NCR1: variants seen among roughly 807,000 people sequenced by gnomAD.
The protein encoded by NCR1 is NK cell-activating receptor.
NCR1 carries 30 observed loss-of-function variants against 32.5 expected under a neutral mutation model. That is an observed-to-expected ratio of 0.92 (90% CI 0.69 to 1.25). The LOEUF (loss-of-function observed/expected upper bound fraction) is 1.25. Among genes scored for constraint, NCR1 ranks in the 50% most tolerant of loss-of-function variants. NCR1 has a pLI of 0.00. For missense variants in NCR1, 369 were observed against 380.7 expected (o/e 0.97, Z 0.26); for synonymous variants, 169 against 143.4 (o/e 1.18, Z -1.28).
chr19:54,903,509 C>T (rs587753369), upstream of NCR1, among the ~76,000 whole-genome samples: 64 of 123,374 alleles, frequency 5.2e-4, 2 homozygotes, highest in African/African-American at 1.6e-3. Context: ...TATGTATACA[C>T]GCATACATGT....
the NCR1 span, chr19:54,923,687 T>G: frequency 6.2e-7 from 1 of 1,606,164 alleles, no homozygotes; most frequent in Non-Finnish European, 8.5e-7. Flanking sequence ...ATAAGACATC[T>G]TAGAGACCCG....
chr19:54,934,107 AT>A, the NCR1 span, among the ~76,000 whole-genome samples: 1 of 152,060 alleles, frequency 6.6e-6, no homozygotes, highest in African/African-American at 2.4e-5. This position sits in a 1 kb window ranked among gnomAD's most constrained non-coding sequence, Gnocchi z 6.7. Context: ...CACCTGGATA[AT>A]TTTTTGTATT....
Position 54,906,728 on chromosome 19 carries a change from G to C in NCR1, c.276G>C (p.Met92Ile), listed in dbSNP as rs761492085. The C allele has an allele frequency of 2.5e-6, 4 of 1,614,242 alleles. No homozygotes were observed. The Admixed American group carries it at 6.7e-5, about 27-fold the overall frequency. ...ACATCCCGGACATGAACTCCCGCAT[G>C]GCAGGGCAATACAGCTGCATCTATC... ...QFYIPDMNSRMAGQYSCIYRV... is the reference protein window; with the variant it reads ...QFYIPDMNSRIAGQYSCIYRV... The change falls in exon 3 of 7, where the codon ATG becomes ATC. Residue 92 changes from methionine (M) to isoleucine (I), a missense_variant. Coordinates refer to ENST00000291890, the MANE Select transcript of NCR1 (RefSeq NM_004829.7).
At chr19:54,916,866 G>GTCCCT (rs879821805), downstream of NCR1, among the ~76,000 whole-genome samples, 261 of 151,340 alleles carry the variant, frequency 1.7e-3, no homozygotes, top group Non-Finnish European at 2.4e-3. Flanking sequence ...CGCCCAGCCA[G>GTCCCT]AAGACCCACG....
At position 54,909,654 on chromosome 19, in the gene NCR1, G is replaced by T. The variant is rs587738483; in HGVS notation, c.634+131G>T. 5 of 1,114,230 alleles carry T rather than the reference G, an allele frequency of 4.5e-6. No individual in the cohort carries two copies. The South Asian group carries it at 6.4e-5, about 14-fold the overall frequency. 69.0% of individuals were successfully genotyped at this position (1,114,230 alleles called of 1,614,324 possible). On this transcript the variant is annotated intron_variant, in intron 4 of 6. Coordinates refer to ENST00000291890, the MANE Select transcript of NCR1 (RefSeq NM_004829.7). ...CCTGGGTGCCTGGTTGGTCATGTGAGGAAGAACACCAGAAGCAGGAAGGAG... is the reference window on the plus strand; with the variant it reads ...CCTGGGTGCCTGGTTGGTCATGTGATGAAGAACACCAGAAGCAGGAAGGAG...
At chr19:54,928,645 G>A in the NCR1 span, among the ~76,000 whole-genome samples, 2 of 152,102 alleles carry the variant, frequency 1.3e-5, no homozygotes, top group African/African-American at 4.8e-5. Flanking sequence ...GTGATATGAG[G>A]AAAGAAACTG....
intron 6 of NCR1, among the ~76,000 whole-genome samples, chr19:54,912,481 C>CCCAG (rs2068021710): frequency 6.6e-6 from 1 of 151,648 alleles, no homozygotes. Context: ...TGCCTGTAGT[C>CCCAG]CCAGCTACTT....
chr19:54,936,246 G>A, the NCR1 span: 1 of 1,610,742 alleles, frequency 6.2e-7, no homozygotes, highest in Non-Finnish European at 8.5e-7. Context: ...GGAGAGCCGT[G>A]ACCGTGAGAC....
upstream of NCR1, among the ~76,000 whole-genome samples, chr19:54,901,345 A>G (rs933080733): frequency 4.2e-5 from 5 of 119,374 alleles, no homozygotes; most frequent in African/African-American, 1.7e-4. Flanking sequence ...TGGGTGACAG[A>G]GCGAGAGTCC....
Position 54,912,762 on chromosome 19 carries a change from TA to T in NCR1, c.807del (p.Val270CysfsTer30). On this transcript the variant is annotated frameshift_variant, in exon 7 of 7. Transcript: ENST00000291890. LOFTEE classifies it low-confidence loss of function (END_TRUNC). ...MGLAFLVLVA[L>X]VWFLVEDWLS... The stretch of plus-strand genomic sequence containing the variant: ...CTGGCCTTTCTAGTCCTGGTGGCTC[TA>T]GTGTGGTTCCTGGTTGAAGACTGGC... The T allele has an allele frequency of 6.2e-7, 1 of 1,614,100 alleles. No individual in the cohort carries two copies. Among genetic ancestry groups the T allele is most frequent in the Non-Finnish European group, 8.5e-7 (1 of 1,180,032 alleles).
At chr19:54,926,672 T>C in the NCR1 span, among the ~76,000 whole-genome samples, 2 of 152,100 alleles carry the variant, frequency 1.3e-5, no homozygotes, top group South Asian at 2.1e-4. Flanking sequence ...TCCCAGCACT[T>C]TGGGAGGCCA....
upstream of NCR1, among the ~76,000 whole-genome samples, chr19:54,901,828 C>T (rs1286832535): frequency 1.3e-5 from 2 of 152,030 alleles, no homozygotes; most frequent in African/African-American, 2.4e-5. Flanking sequence ...ATTAGCTGGG[C>T]GTGGTTGTGG....
At chr19:54,921,652 G>GTCTCAGC in the NCR1 span, among the ~76,000 whole-genome samples, 1 of 151,514 alleles carries the variant, frequency 6.6e-6, no homozygotes, top group South Asian at 2.1e-4. Flanking sequence ...CACACCTCTA[G>GTCTCAGC]TCTCAGCTAC....
chr19:54,930,106 G>A, the NCR1 span, among the ~76,000 whole-genome samples: 312 of 123,614 alleles, frequency 2.5e-3, 1 homozygote, highest in African/African-American at 9.5e-3. Flanking sequence ...CTAGAACGAG[G>A]CTCCGTCTCA....
chr19:54,901,215 G>C (rs587640175), upstream of NCR1, among the ~76,000 whole-genome samples: 33 of 149,970 alleles, frequency 2.2e-4, no homozygotes, highest in South Asian at 7.0e-3. Context: ...GCATAAACTC[G>C]GGAGGCAGAG....
upstream of NCR1, among the ~76,000 whole-genome samples, chr19:54,904,898 C>T (rs2067481288): frequency 3.3e-5 from 5 of 152,154 alleles, no homozygotes; most frequent in Admixed American, 3.3e-4. Context: ...ATCCATGTTG[C>T]TGCAAAGGAC....
upstream of NCR1, among the ~76,000 whole-genome samples, chr19:54,904,884 C>T (rs1332609964): frequency 3.3e-5 from 5 of 152,178 alleles, no homozygotes; most frequent in African/African-American, 1.2e-4. Flanking sequence ...TGGCCTCTAG[C>T]TGCATCCATG....
chr19:54,923,289 TTGATCACATAAGTTA>T, the NCR1 span, among the ~76,000 whole-genome samples: 2 of 152,174 alleles, frequency 1.3e-5, no homozygotes, highest in African/African-American at 4.8e-5. Flanking sequence ...AATGCGTGGG[TTGATCACATAAGTTA>T]TGATCACATA....
At chr19:54,910,152 C>A in intron 5 of NCR1, 87 bp downstream of exon 5, 1 of 1,338,750 alleles carries the variant, frequency 7.5e-7, no homozygotes, top group Non-Finnish European at 1.1e-6. Context: ...AAATATTCAT[C>A]GAGGCCAGGC....
Sources: gnomAD v4.1 joint callset for allele counts (sites outside exome capture counted in the v4.1 genomes callset) on GRCh38, gnomAD v4.1.1 for gene constraint, Gnocchi (gnomAD v3.1) non-coding constraint, MANE v1.5 for transcripts, NCBI Gene and HGNC (gene_info 2026-07-23, HGNC 2026-07-21) for gene names.